NYAP2: variants seen among roughly 807,000 people sequenced by gnomAD.
NYAP2 encodes the protein neuronal tyrosine-phosphorylated phosphoinositide-3-kinase adapter 2.
Under a neutral mutation model 50.4 loss-of-function variants are expected in NYAP2, and 23 were observed. The observed-to-expected ratio is 0.46, with a 90% CI of 0.33 to 0.65. The LOEUF (loss-of-function observed/expected upper bound fraction) is 0.65. NYAP2 is among the 30% of genes least tolerant of loss of function. The pLI is 0.02. For synonymous variants in NYAP2, 394 were observed against 365.2 expected (o/e 1.08, Z -0.90); for missense variants, 885 against 861.0 (o/e 1.03, Z -0.35).
At chr2:225,637,404 T>C (rs778832191) in intron 6 of NYAP2, among the ~76,000 whole-genome samples, 9 of 152,162 alleles carry the variant, frequency 5.9e-5, no homozygotes, top group Non-Finnish European at 8.8e-5. Flanking sequence ...CGGGCAGCTG[T>C]GAACTTCCAG....
intron 3 of NYAP2, among the ~76,000 whole-genome samples, chr2:225,429,165 C>A (rs919186141): frequency 2.0e-5 from 3 of 151,858 alleles, no homozygotes; most frequent in Admixed American, 2.0e-4. Flanking sequence ...AGAAATAATG[C>A]GTTATTTGGC....
At chr2:225,648,763 A>C (rs562770598) in intron 6 of NYAP2, among the ~76,000 whole-genome samples, 1 of 152,304 alleles carries the variant, frequency 6.6e-6, no homozygotes, top group East Asian at 1.9e-4. Flanking sequence ...CAATGTAGAC[A>C]GCCTAGGGAC....
intron 3 of NYAP2, among the ~76,000 whole-genome samples, chr2:225,424,268 ATAAG>A (rs1396858382): frequency 6.6e-6 from 1 of 152,146 alleles, no homozygotes; most frequent in Non-Finnish European, 1.5e-5. Context: ...CTTCTGAGGT[ATAAG>A]TAAGTCAAAT....
At chr2:225,563,134 T>C (rs1691902807) in intron 4 of NYAP2, among the ~76,000 whole-genome samples, 1 of 152,078 alleles carries the variant, frequency 6.6e-6, no homozygotes, top group Admixed American at 6.6e-5. Context: ...GCTCCAGAAG[T>C]GAGAGAGACA....
At chr2:225,536,594 T>A (rs1412188394) in intron 4 of NYAP2, among the ~76,000 whole-genome samples, 1 of 152,168 alleles carries the variant, frequency 6.6e-6, no homozygotes, top group East Asian at 1.9e-4. Context: ...ATAAGATATT[T>A]TTATATAACC....
intron 3 of NYAP2, among the ~76,000 whole-genome samples, chr2:225,428,437 A>T (rs574654882): frequency 2.0e-5 from 3 of 152,186 alleles, no homozygotes; most frequent in Non-Finnish European, 2.9e-5. Context: ...ATATTTTCAG[A>T]TAGTAATAAT....
At chr2:225,548,672 A>T (rs1320333173) in intron 4 of NYAP2, among the ~76,000 whole-genome samples, 1 of 152,178 alleles carries the variant, frequency 6.6e-6, no homozygotes, top group African/African-American at 2.4e-5. Context: ...TCTGATAAGG[A>T]AGGGAATAAA....
At chr2:225,552,413 G>A (rs1418145274) in intron 4 of NYAP2, among the ~76,000 whole-genome samples, 2 of 152,180 alleles carry the variant, frequency 1.3e-5, no homozygotes, top group East Asian at 1.9e-4. Flanking sequence ...GACTGTTTAT[G>A]TACCACCAAA....
chr2:225,483,177 A>AG (rs1690234874), intron 3 of NYAP2, among the ~76,000 whole-genome samples: 1 of 152,212 alleles, frequency 6.6e-6, no homozygotes. Flanking sequence ...TGTTTTAAGA[A>AG]GGTAGATCTT....
chr2:225,617,811 T>C (rs1294833241), intron 5 of NYAP2, among the ~76,000 whole-genome samples: 1 of 152,138 alleles, frequency 6.6e-6, no homozygotes, highest in Non-Finnish European at 1.5e-5. Flanking sequence ...CAGGGAAACA[T>C]TGGAGAGGTG....
At chr2:225,601,933 T>C (rs1692697849) in intron 5 of NYAP2, among the ~76,000 whole-genome samples, 2 of 152,356 alleles carry the variant, frequency 1.3e-5, no homozygotes, top group South Asian at 2.1e-4. Flanking sequence ...TGTTGTTATA[T>C]TCAAGAAGTT....
At chr2:225,406,241 C>A (rs138839892) in intron 2 of NYAP2, among the ~76,000 whole-genome samples, 3 of 151,826 alleles carry the variant, frequency 2.0e-5, no homozygotes, top group African/African-American at 7.3e-5. Context: ...TTCAGGACAG[C>A]CTCACAGCCT....
chr2:225,597,523 A>ATATATATATATT (rs1325690231), intron 5 of NYAP2, among the ~76,000 whole-genome samples: 1 of 115,036 alleles, frequency 8.7e-6, no homozygotes, highest in East Asian at 2.8e-4. Context: ...ATATATATAT[A>ATATATATATATT]TATATATGTA....
chr2:225,662,437 G>A, the NYAP2 span, among the ~76,000 whole-genome samples: 7 of 152,326 alleles, frequency 4.6e-5, no homozygotes, highest in African/African-American at 1.4e-4. Context: ...GAGTACTGTT[G>A]TAGATTTAAC....
At chr2:225,694,104 C>T in the NYAP2 span, among the ~76,000 whole-genome samples, 6 of 152,112 alleles carry the variant, frequency 3.9e-5, no homozygotes, top group East Asian at 1.9e-4. Context: ...TACCTACTTA[C>T]GTATACATTT....
Position 225,582,959 on chromosome 2 carries a change from G to C in NYAP2, c.1542G>C (p.Leu514=). The C allele has an allele frequency of 1.2e-6, 2 of 1,612,300 alleles. No individual in the cohort carries two copies. The highest frequency in any genetic ancestry group is 1.7e-6 in the Non-Finnish European group (2 of 1,179,688). ...CACCCACGAGCCCGCTGGAGGAGCT[G>C]ACCAGCCTCTTCTCCTCCGGCCGCA... Residue 514 remains leucine (L), a synonymous_variant, in exon 5 of 7, where the codon CTG becomes CTC. Coordinates refer to ENST00000636099, the Ensembl canonical transcript of NYAP2. This position sits in a 1 kb window ranked among gnomAD's most constrained non-coding sequence, Gnocchi z 7.0.
the NYAP2 span, among the ~76,000 whole-genome samples, chr2:225,669,223 T>A: frequency 6.6e-6 from 1 of 152,102 alleles, no homozygotes; most frequent in Non-Finnish European, 1.5e-5. Flanking sequence ...ATTATTACTA[T>A]TTTTCATGAC....
At chr2:225,634,996 A>T (rs190987790) in intron 6 of NYAP2, among the ~76,000 whole-genome samples, 6 of 152,270 alleles carry the variant, frequency 3.9e-5, no homozygotes, top group African/African-American at 1.4e-4. Flanking sequence ...AAGAAAGATG[A>T]TTTTCTCTTG....
At chr2:225,518,554 ATATATATAT>A (rs1690980571) in intron 4 of NYAP2, among the ~76,000 whole-genome samples, 1 of 75,518 alleles carries the variant, frequency 1.3e-5, no homozygotes, top group African/African-American at 5.2e-5. Context: ...ATATATATAT[ATATATATAT>A]ATATATTAGC....
Sources: allele counts gnomAD v4.1 joint callset (sites outside exome capture counted in the v4.1 genomes callset), GRCh38; gene constraint gnomAD v4.1.1; non-coding constraint Gnocchi (gnomAD v3.1); transcripts MANE v1.5; gene names NCBI Gene and HGNC (gene_info 2026-07-23, HGNC 2026-07-21).